The following ZNF775 variants were observed in gnomAD, a reference collection of about 807,000 sequenced individuals.
ZNF775 encodes zinc finger protein 775.
Under a neutral mutation model 2.4 loss-of-function variants are expected in ZNF775, and 1 was observed. That is an observed-to-expected ratio of 0.41 (90% confidence interval 0.15 to 1.94). ZNF775 has a LOEUF of 1.94. Among genes scored for constraint, ZNF775 ranks in the 30% most tolerant of loss-of-function variants. ZNF775 has a pLI of 0.30. For synonymous variants in ZNF775, 381 were observed against 373.3 expected, an observed-to-expected ratio of 1.02 and a Z score of -0.24; for missense variants, 823 against 826.6, an observed-to-expected ratio of 1.00 and a Z score of 0.05.
Position 150,396,577 on chromosome 7 carries a change from G to T in ZNF775, c.96G>T (p.Pro32=), listed in dbSNP as rs1160028924. The T allele has an allele frequency of 6.2e-7, 1 of 1,606,510 alleles. No individual in the cohort carries two copies. Among genetic ancestry groups the T allele is most frequent in the Non-Finnish European group, 8.5e-7 (1 of 1,177,946 alleles). ...AGCGGCTGCTGCAGACGCTGGCGCC[G>T]CAGGCCATGCTTGTGGAGAAGGACA... ...KPERLLQTLA[P]QAMLVEKDKE... is the part of the protein sequence containing the mutation. The change falls in exon 3 of 3, where the codon CCG becomes CCT. Residue 32 remains proline, a synonymous_variant. Coordinates refer to ENST00000329630, the MANE Select transcript of ZNF775 (RefSeq NM_173680.4).
chr7:150,380,891 A>G (rs78725247), intron 1 of ZNF775, among the ~76,000 whole-genome samples: 231 of 152,360 alleles, frequency 1.5e-3, no homozygotes, highest in Non-Finnish European at 2.6e-3. Flanking sequence ...TTCCCTGGAA[A>G]GAACTCAAGA....
chr7:150,386,005 G>A (rs754895909), intron 1 of ZNF775, among the ~76,000 whole-genome samples: 5 of 151,884 alleles, frequency 3.3e-5, no homozygotes, highest in Non-Finnish European at 5.9e-5. Context: ...TCACAATCTC[G>A]GCTCACTGCA....
rs150468884 is a variant in ZNF775 at position 150,386,096 on chromosome 7, C to T, written c.-49-2326C>T. 1.6e-3 allele frequency among the ~76,000 whole-genome samples: 248 copies of T among 152,234 alleles called. 1 individual carries two copies. The highest frequency in any genetic ancestry group is 5.8e-3 in the African/African-American group (239 of 41,534). ...GATTACAGACATGTGCCACTACACC[C>T]AGCTAAGTTTTGTATTTTTAGTAGA... On this transcript the variant is annotated intron_variant, in intron 1 of 2. Transcript: ENST00000329630.
Position 150,398,143 on chromosome 7 carries a change from G to GGT in ZNF775, c.*56_*57dup. On this transcript the variant is annotated 3_prime_UTR_variant, in exon 3 of 3. Coordinates refer to ENST00000329630, the MANE Select transcript of ZNF775 (RefSeq NM_173680.4). ...GTGGTGGTGCGGGGGATGTTTGCGG[G>GGT]GTGTGTGTGGGGAGTGGGGGTGGCC... is the stretch of plus-strand genomic sequence containing the variant. 6.5e-7 allele frequency: 1 copy of GGT among 1,529,990 alleles called. No homozygotes were observed. 94.8% of individuals were successfully genotyped at this position (1,529,990 alleles called of 1,614,324 possible). A position where few individuals can be genotyped will look rare whatever the true frequency, so the allele number is the denominator to read the frequency against.
Position 150,397,339 on chromosome 7 carries a change from TGGC to T in ZNF775, c.859_861del (p.Gly287del). The T allele has an allele frequency of 6.3e-7, 1 of 1,587,106 alleles. No homozygotes were observed. The highest frequency in any genetic ancestry group is 8.5e-7 in the Non-Finnish European group (1 of 1,171,366). ...CGCGCCAGTTCATCTGCAACGAGTG[TGGC>T]AAGAGCTTCACCTGGTGGTCGTCGC... is the stretch of plus-strand genomic sequence containing the variant. On this transcript the variant is annotated inframe_deletion, in exon 3 of 3. Coordinates refer to ENST00000329630, the MANE Select transcript of ZNF775 (RefSeq NM_173680.4).
In ZNF775 at chr7:150,390,681, G is replaced by A. The variant is rs938450981; in HGVS notation, c.31+2180G>A. 2.0e-5 allele frequency among the ~76,000 whole-genome samples: 3 copies of A among 152,142 alleles called. No homozygotes were observed. The South Asian group carries it at 6.2e-4, about 32-fold the overall frequency. Reference sequence around the variant, plus strand: ...ATGCATAGTATTCCATATTATGAAGGGAACTATTTTTTAGGATAATTAAGT... The same window carrying A: ...ATGCATAGTATTCCATATTATGAAGAGAACTATTTTTTAGGATAATTAAGT... On this transcript the variant is annotated intron_variant, in intron 2 of 2. Transcript: ENST00000329630.
chr7:150,389,395 A>G (rs1057371663), intron 2 of ZNF775, among the ~76,000 whole-genome samples: 1 of 152,236 alleles, frequency 6.6e-6, no homozygotes, highest in Non-Finnish European at 1.5e-5. Flanking sequence ...TAAAAGAGAA[A>G]CGTGGCCGCA....
chr7:150,389,859 TTGTGTGTGTGTGTGTG>T (rs71196708), intron 2 of ZNF775, among the ~76,000 whole-genome samples: 2,289 of 138,818 alleles, frequency 0.016, 64 homozygotes, highest in East Asian at 0.039. Flanking sequence ...TAATTTTTAT[TTGTGTGTGTGTGTGTG>T]TGTGTGTGTG....
At position 150,382,451 on chromosome 7, in the gene ZNF775, C is replaced by T. The variant is rs1287563216; in HGVS notation, c.-50+3059C>T. Among the ~76,000 whole-genome samples the T allele has an allele frequency of 6.6e-6, 1 of 152,088 alleles. No homozygotes were observed. Among genetic ancestry groups the T allele is most frequent in the Non-Finnish European group, 1.5e-5 (1 of 68,018 alleles). On this transcript the variant is annotated intron_variant, in intron 1 of 2. Transcript: ENST00000329630. The surrounding 1 kb of genome is among the most constrained non-coding windows in gnomAD (Gnocchi z 4.6). ...GGTGGGTGGGCTGGGACTTGGGGTTCTTGATTAAGACATGGGGTCCTGAGG... is the reference window on the plus strand; with the variant it reads ...GGTGGGTGGGCTGGGACTTGGGGTTTTTGATTAAGACATGGGGTCCTGAGG...
At chr7:150,388,611 G>C in intron 2 of ZNF775, 110 bp downstream of exon 2, 1 of 1,228,120 alleles carries the variant, frequency 8.1e-7, no homozygotes, top group Non-Finnish European at 1.2e-6. Flanking sequence ...CCAGTAGCTA[G>C]TACATCCCAC....
At chr7:150,391,103 A>T (rs566588180) in intron 2 of ZNF775, among the ~76,000 whole-genome samples, 1 of 152,190 alleles carries the variant, frequency 6.6e-6, no homozygotes, top group East Asian at 1.9e-4. Context: ...TATAGTCTGG[A>T]TACTAAGCGT....
chr7:150,391,125 A>C (rs1208926192), intron 2 of ZNF775, among the ~76,000 whole-genome samples: 3 of 152,210 alleles, frequency 2.0e-5, no homozygotes, highest in African/African-American at 7.2e-5. Flanking sequence ...TGTCTATTCT[A>C]TATCTGCACA....
intron 2 of ZNF775, among the ~76,000 whole-genome samples, chr7:150,394,984 C>T (rs1800624399): frequency 6.6e-6 from 1 of 151,986 alleles, no homozygotes; most frequent in Non-Finnish European, 1.5e-5. Flanking sequence ...ACTTTTCTTT[C>T]CCTTTGCTCC....
At chr7:150,388,614 C>T (rs1800499591) in intron 2 of ZNF775, 113 bp downstream of exon 2, 2 of 1,181,686 alleles carry the variant, frequency 1.7e-6, no homozygotes, top group Admixed American at 4.2e-5. Context: ...GTAGCTAGTA[C>T]ATCCCACTGA....
rs981630559 is a variant in ZNF775 at position 150,384,135 on chromosome 7, G to A, written c.-49-4287G>A. 6.6e-6 allele frequency among the ~76,000 whole-genome samples: 1 copy of A among 152,220 alleles called. No individual in the cohort carries two copies. The highest frequency in any genetic ancestry group is 1.5e-5 in the Non-Finnish European group (1 of 68,038). On this transcript the variant is annotated intron_variant, in intron 1 of 2. Transcript: ENST00000329630. The surrounding 1 kb of genome is among the most constrained non-coding windows in gnomAD (Gnocchi z 4.1). ...TCTTAACTGAACTGCAGCCTGACCCGGTGCGCGGAGGGCCGGGCCAGGGCC... is the reference window on the plus strand; with the variant it reads ...TCTTAACTGAACTGCAGCCTGACCCAGTGCGCGGAGGGCCGGGCCAGGGCC...
Position 150,397,210 on chromosome 7 carries a change from G to C in ZNF775, c.729G>C (p.Pro243=). The change falls in exon 3 of 3, where the codon CCG becomes CCC. Residue 243 remains proline, a synonymous_variant. Transcript: ENST00000329630. ...ARRACRLQPG[P]PRGRPEWAWL... ...GGGCCTGTCGCCTGCAGCCGGGGCCGCCGCGGGGGCGCCCCGAGTGGGCCT... is the reference window on the plus strand; with the variant it reads ...GGGCCTGTCGCCTGCAGCCGGGGCCCCCGCGGGGGCGCCCCGAGTGGGCCT... 9.1e-7 allele frequency: 1 copy of C among 1,104,576 alleles called. No individual in the cohort carries two copies. The highest frequency in any genetic ancestry group is 4.2e-5 in the South Asian group (1 of 23,680). 68.4% of individuals were successfully genotyped at this position (1,104,576 alleles called of 1,614,324 possible). A position where few individuals can be genotyped will look rare whatever the true frequency, so the allele number is the denominator to read the frequency against.
Position 150,397,692 on chromosome 7 carries a change from C to T in ZNF775, c.1211C>T (p.Pro404Leu), listed in dbSNP as rs1040642592. The change falls in exon 3 of 3, where the codon CCG becomes CTG. Residue 404 changes from proline (P) to leucine (L), a missense_variant. By Grantham distance (98) the Pro-to-Leu change is moderately conservative. Coordinates refer to ENST00000329630, the MANE Select transcript of ZNF775 (RefSeq NM_173680.4). ...AVPAGEPGDQPQAEAIPGLAA... is the reference protein window; with the variant it reads ...AVPAGEPGDQLQAEAIPGLAA... ...CCGGCCGGGGAACCGGGCGACCAGC[C>T]GCAGGCCGAGGCCATCCCGGGCTTG... 50 of 1,365,356 alleles carry T rather than the reference C, an allele frequency of 3.7e-5. No individual in the cohort carries two copies. Among genetic ancestry groups the T allele is most frequent in the Middle Eastern group, 2.5e-4 (1 of 4,040 alleles). The allele number at this position is 1,365,356 out of a possible 1,614,324, so 84.6% of individuals were successfully genotyped here.
In ZNF775 at chr7:150,397,051, C is replaced by A; in HGVS notation, c.570C>A (p.Thr190=). The change falls in exon 3 of 3, where the codon ACC becomes ACA. Residue 190 remains threonine, a synonymous_variant. Coordinates refer to ENST00000329630, the MANE Select transcript of ZNF775 (RefSeq NM_173680.4). The part of the protein sequence containing the change: ...KHQKTHSRPA[T]HSCPECERCF... The stretch of plus-strand genomic sequence containing the variant: ...AGAAGACCCACTCCCGGCCCGCCAC[C>A]CACTCGTGCCCCGAGTGCGAGCGCT... 1 of 1,595,588 alleles carries A rather than the reference C, an allele frequency of 6.3e-7. No homozygotes were observed. The highest frequency in any genetic ancestry group is 8.5e-7 in the Non-Finnish European group (1 of 1,177,498).
At chr7:150,392,709 A>T (rs964587805) in intron 2 of ZNF775, among the ~76,000 whole-genome samples, 1 of 151,922 alleles carries the variant, frequency 6.6e-6, no homozygotes, top group African/African-American at 2.4e-5. Context: ...AATTTAATAA[A>T]TTTTTTATAC....
Sources: gnomAD v4.1 joint callset for allele counts (sites outside exome capture counted in the v4.1 genomes callset) on GRCh38, gnomAD v4.1.1 for gene constraint, Gnocchi (gnomAD v3.1) non-coding constraint, MANE v1.5 for transcripts, NCBI Gene and HGNC (gene_info 2026-07-23, HGNC 2026-07-21) for gene names.